The following OPRM1 variants were observed in gnomAD, a reference collection of about 807,000 sequenced individuals.
The protein encoded by OPRM1 is mu-type opioid receptor.
OPRM1 carries 27 observed loss-of-function variants against 31.8 expected under a neutral mutation model. That is an observed-to-expected ratio of 0.85 (90% CI 0.63 to 1.17). OPRM1 has a LOEUF of 1.17. Ranked by LOEUF, OPRM1 falls within the 50% of genes most tolerant of loss-of-function variation. The probability of loss-of-function intolerance (pLI) is 0.00; values close to 1 mark genes in which losing one functional copy is unlikely to be tolerated. For synonymous variants in OPRM1, 196 were observed against 189.9 expected (o/e 1.03, Z -0.26); for missense variants, 536 against 511.1 (o/e 1.05, Z -0.47).
chr6:154,151,218 C>A (rs1798491440), intron 3 of OPRM1, among the ~76,000 whole-genome samples: 1 of 152,186 alleles, frequency 6.6e-6, no homozygotes, highest in African/African-American at 2.4e-5. Context: ...GAAGCAAAGC[C>A]TGAGAAATGG....
At chr6:154,065,054 A>T (rs1454383780) in intron 1 of OPRM1, among the ~76,000 whole-genome samples, 5 of 152,136 alleles carry the variant, frequency 3.3e-5, no homozygotes. Flanking sequence ...TAAAGATTGC[A>T]TTGAATCTGA....
chr6:154,112,048 A>G (rs866549478), intron 3 of OPRM1, among the ~76,000 whole-genome samples: 2 of 152,192 alleles, frequency 1.3e-5, no homozygotes, highest in Non-Finnish European at 2.9e-5. Context: ...TACAGGCTGG[A>G]GCCACCGCGC....
chr6:154,144,702 C>T lies in OPRM1; in HGVS notation c.1164+53230C>T, dbSNP rs1330452645. On this transcript the variant is annotated intron_variant, in intron 3 of 3. Coordinates refer to the OPRM1 transcript ENST00000337049. ...GGTGTAGGTTGCTGTGAGCCGAGATCGCGCCATTGCACTCCAGCCTGAGCA... is the reference window on the plus strand; with the variant it reads ...GGTGTAGGTTGCTGTGAGCCGAGATTGCGCCATTGCACTCCAGCCTGAGCA... Among the ~76,000 whole-genome samples the T allele has an allele frequency of 7.8e-5, 11 of 140,988 alleles. No individual in the cohort carries two copies. The East Asian group carries it at 1.9e-3, about 24-fold the overall frequency. 92.5% of individuals were successfully genotyped at this position (140,988 alleles called of 152,430 possible). A position where few individuals can be genotyped will look rare whatever the true frequency, so the allele number is the denominator to read the frequency against.
chr6:154,067,818 G>T (rs980712617), intron 1 of OPRM1, among the ~76,000 whole-genome samples: 7 of 151,926 alleles, frequency 4.6e-5, no homozygotes, highest in African/African-American at 1.2e-4. Flanking sequence ...ATGGTCTGTT[G>T]TTGAGTACTG....
chr6:154,085,888 C>CTTTTTTTTTT (rs779654564), intron 1 of OPRM1, among the ~76,000 whole-genome samples: 10,313 of 122,922 alleles, frequency 0.084, 843 homozygotes, highest in African/African-American at 0.14. Flanking sequence ...AAAGCTTGCC[C>CTTTTTTTTTT]TTTTTTTTTT....
chr6:154,233,635 G>A (rs1435453195), intron 3 of OPRM1, among the ~76,000 whole-genome samples: 4 of 152,140 alleles, frequency 2.6e-5, no homozygotes, highest in African/African-American at 9.7e-5. Flanking sequence ...AATTGATTAC[G>A]CTAATGAGGA....
At chr6:154,139,843 A>G (rs1276062580) in intron 3 of OPRM1, among the ~76,000 whole-genome samples, 1 of 152,168 alleles carries the variant, frequency 6.6e-6, no homozygotes, top group Admixed American at 6.5e-5. Context: ...GGTATATGAA[A>G]TGGAAGACAT....
At chr6:154,030,675 A>C (rs936864288) in intron 1 of OPRM1, among the ~76,000 whole-genome samples, 2 of 152,218 alleles carry the variant, frequency 1.3e-5, no homozygotes, top group Non-Finnish European at 2.9e-5. Context: ...TAGAGAAGAA[A>C]GACAGTCTAG....
chr6:154,224,637 G>A (rs1436739730), intron 3 of OPRM1, among the ~76,000 whole-genome samples: 1 of 152,058 alleles, frequency 6.6e-6, no homozygotes, highest in Non-Finnish European at 1.5e-5. Context: ...CTTGAACCTG[G>A]GAGGTAGAGG....
chr6:154,200,913 C>A (rs767427393), intron 3 of OPRM1, among the ~76,000 whole-genome samples: 40 of 152,140 alleles, frequency 2.6e-4, no homozygotes, highest in Non-Finnish European at 4.6e-4. Context: ...AATCTCACCT[C>A]GAATTGTAAT....
At chr6:154,187,730 C>T (rs1443515004) in intron 3 of OPRM1, among the ~76,000 whole-genome samples, 3 of 152,188 alleles carry the variant, frequency 2.0e-5, no homozygotes, top group Admixed American at 6.5e-5. Context: ...GCTGTGGAGT[C>T]AAACAGAACT....
chr6:154,177,714 T>G (rs1357951007), intron 3 of OPRM1, among the ~76,000 whole-genome samples: 2 of 152,314 alleles, frequency 1.3e-5, no homozygotes, highest in East Asian at 3.9e-4. Flanking sequence ...GTTCAACCAT[T>G]GTGGAAGACA....
intron 3 of OPRM1, among the ~76,000 whole-genome samples, chr6:154,242,026 C>T (rs1780638613): frequency 6.6e-6 from 1 of 152,154 alleles, no homozygotes; most frequent in African/African-American, 2.4e-5. Context: ...ACTTAAATTC[C>T]CTGAGCTTCA....
At chr6:154,137,582 A>G (rs1798090067) in intron 3 of OPRM1, among the ~76,000 whole-genome samples, 1 of 152,234 alleles carries the variant, frequency 6.6e-6, no homozygotes, top group Non-Finnish European at 1.5e-5. Context: ...TAAGAGATTC[A>G]AAAAGAGAAG....
At chr6:154,246,603 A>G (rs1252299684) in intron 3 of OPRM1, 33 of 1,613,268 alleles carry the variant, frequency 2.0e-5, no homozygotes, top group Non-Finnish European at 2.8e-5. Context: ...TTTGATTGCT[A>G]TACCAGTACA....
intron 3 of OPRM1, among the ~76,000 whole-genome samples, chr6:154,209,542 G>A (rs1198365122): frequency 1.3e-5 from 2 of 151,908 alleles, no homozygotes; most frequent in South Asian, 2.1e-4. Flanking sequence ...AGCTACTCGG[G>A]GGGCCGAGGT....
In OPRM1 at chr6:154,123,307, G is replaced by T. The variant is rs1797404033; in HGVS notation, c.*4586G>T. 1.3e-5 allele frequency among the ~76,000 whole-genome samples: 2 copies of T among 150,594 alleles called. No homozygotes were observed. Among genetic ancestry groups the T allele is most frequent in the Middle Eastern group, 6.8e-3 (2 of 292 alleles). ...GCAAGTTCCCACGGAGCAGAAAAAA[G>T]GAGGAAACTTTTTCCTGGGAGCCCA... On this transcript the variant is annotated 3_prime_UTR_variant, in exon 4 of 4. Coordinates refer to ENST00000330432, the MANE Select transcript of OPRM1 (RefSeq NM_000914.5).
intron 1 of OPRM1, among the ~76,000 whole-genome samples, chr6:154,051,400 A>G (rs1782164585): frequency 6.6e-6 from 1 of 152,208 alleles, no homozygotes; most frequent in African/African-American, 2.4e-5. Context: ...ATACCAAAAT[A>G]CTTTTATTAG....
chr6:154,147,430 T>A (rs1218609093), intron 3 of OPRM1, among the ~76,000 whole-genome samples: 1 of 152,176 alleles, frequency 6.6e-6, no homozygotes, highest in Non-Finnish European at 1.5e-5. Context: ...CAACACATTC[T>A]AGATTTTCCT....
Sources: gnomAD v4.1 joint callset for allele counts (sites outside exome capture counted in the v4.1 genomes callset) on GRCh38, gnomAD v4.1.1 for gene constraint, MANE v1.5 for transcripts, NCBI Gene and HGNC (gene_info 2026-07-23, HGNC 2026-07-21) for gene names.